The following MMD2 variants were observed in gnomAD, a reference collection of about 807,000 sequenced individuals.
MMD2 encodes the protein monocyte to macrophage differentiation factor 2.
In MMD2, 30 loss-of-function variants were observed where a neutral mutation model predicts 33.5. The observed-to-expected ratio is 0.90, with a 90% CI of 0.67 to 1.22. The LOEUF is 1.22. MMD2 is among the 50% of genes most tolerant of loss of function. The pLI is 0.00. For synonymous variants in MMD2, 129 were observed against 123.0 expected (o/e 1.05, Z -0.32); for missense variants, 364 against 325.4 (o/e 1.12, Z -0.91).
chr7:4,893,302 T>C, the MMD2 span, among the ~76,000 whole-genome samples: 1 of 152,080 alleles, frequency 6.6e-6, no homozygotes, highest in Non-Finnish European at 1.5e-5. Flanking sequence ...AATAAAAGAA[T>C]GACTACTCCA....
chr7:4,897,227 T>TAAAAAAAA, the MMD2 span, among the ~76,000 whole-genome samples: 1 of 117,154 alleles, frequency 8.5e-6, no homozygotes. Context: ...GTGTTATATT[T>TAAAAAAAA]AAAAAAAAAA....
chr7:4,933,692 GTGTCA>G (rs2115126970), intron 1 of MMD2, among the ~76,000 whole-genome samples: 1 of 151,992 alleles, frequency 6.6e-6, no homozygotes, highest in East Asian at 1.9e-4. Flanking sequence ...GAGTGCAGTG[GTGTCA>G]TCATAGCTCA....
chr7:4,895,440 G>A, the MMD2 span, among the ~76,000 whole-genome samples: 207 of 152,334 alleles, frequency 1.4e-3, no homozygotes, highest in African/African-American at 4.8e-3. Context: ...TTATTTGGCG[G>A]GGTTGCGGTG....
intron 1 of MMD2, among the ~76,000 whole-genome samples, chr7:4,956,234 G>A (rs2115168220): frequency 6.6e-6 from 1 of 152,014 alleles, no homozygotes. Context: ...ACCAGCCTGG[G>A]CAACATAGTG....
intron 4 of MMD2, among the ~76,000 whole-genome samples, chr7:4,914,014 G>A (rs1046809648): frequency 1.3e-5 from 2 of 151,978 alleles, no homozygotes; most frequent in Admixed American, 1.3e-4. Flanking sequence ...TTTAGAGACC[G>A]GGTGTCACTC....
chr7:4,909,792 G>T (rs946817000), intron 6 of MMD2, 89 bp downstream of exon 6: 1 of 1,524,656 alleles, frequency 6.6e-7, no homozygotes, highest in African/African-American at 1.4e-5. Flanking sequence ...CCAAAGGAGA[G>T]GGTTTGTGAC....
the MMD2 span, among the ~76,000 whole-genome samples, chr7:4,898,603 A>G: frequency 1.3e-5 from 2 of 152,070 alleles, no homozygotes; most frequent in East Asian, 1.9e-4. Flanking sequence ...GTATTAAGAA[A>G]TGAGGCGTTT....
the MMD2 span, among the ~76,000 whole-genome samples, chr7:4,897,227 T>TAAAAAAAAAA: frequency 8.5e-6 from 1 of 117,176 alleles, no homozygotes; most frequent in Non-Finnish European, 1.8e-5. Context: ...GTGTTATATT[T>TAAAAAAAAAA]AAAAAAAAAA....
At chr7:4,926,746 C>G (rs1358528873) in intron 1 of MMD2, among the ~76,000 whole-genome samples, 1 of 151,620 alleles carries the variant, frequency 6.6e-6, no homozygotes, top group Non-Finnish European at 1.5e-5. Flanking sequence ...TTCTTTTTTT[C>G]TTTTTTCTTT....
intron 1 of MMD2, among the ~76,000 whole-genome samples, chr7:4,945,185 T>TTTCTCCTTCTTCTTCTTC (rs1554273339): frequency 1.1e-5 from 1 of 93,480 alleles, no homozygotes; most frequent in Non-Finnish European, 2.1e-5. Flanking sequence ...CCTCTTCCTC[T>TTTCTCCTTCTTCTTCTTC]TTCTTCTTCT....
chr7:4,945,571 C>T (rs540492707), intron 1 of MMD2, among the ~76,000 whole-genome samples: 2 of 151,378 alleles, frequency 1.3e-5, no homozygotes, highest in South Asian at 4.2e-4. Flanking sequence ...CAGCCCTTCC[C>T]TCCCCTTTCT....
chr7:4,954,752 A>G (rs997041509), intron 1 of MMD2, among the ~76,000 whole-genome samples: 1 of 152,102 alleles, frequency 6.6e-6, no homozygotes, highest in East Asian at 1.9e-4. Flanking sequence ...AAGTTCATCA[A>G]TCTTTTTTTT....
Position 4,911,159 on chromosome 7 carries a change from G to T in MMD2, c.453C>A (p.Phe151Leu). The T allele has an allele frequency of 6.3e-7, 1 of 1,587,768 alleles. No individual in the cohort carries two copies. The highest frequency in any genetic ancestry group is 2.3e-5 in the East Asian group (1 of 43,508). The change falls in exon 5 of 7, where the codon TTC becomes TTA. Residue 151 changes from phenylalanine to leucine, a missense_variant. Phe to Leu is a conservative substitution (Grantham distance 22). Coordinates refer to ENST00000401401, the MANE Select transcript of MMD2 (RefSeq NM_198403.4). ...IMASVGTIYVFFFHERYKLVE... is the reference protein window; with the variant it reads ...IMASVGTIYVLFFHERYKLVE... ...GCCTGGCTTACCGCTCATGGAAGAAGAAGACATAGATGGTGCCCACGGAAG... is the reference window on the plus strand; with the variant it reads ...GCCTGGCTTACCGCTCATGGAAGAATAAGACATAGATGGTGCCCACGGAAG...
At chr7:4,955,104 G>C (rs1226928347) in intron 1 of MMD2, among the ~76,000 whole-genome samples, 1 of 152,182 alleles carries the variant, frequency 6.6e-6, no homozygotes, top group Non-Finnish European at 1.5e-5. Flanking sequence ...GATCCTTCCT[G>C]CCTTGGCCTC....
At chr7:4,957,038 C>T (rs936674428) in intron 1 of MMD2, among the ~76,000 whole-genome samples, 2 of 151,826 alleles carry the variant, frequency 1.3e-5, no homozygotes, top group African/African-American at 2.4e-5. Flanking sequence ...TGGTGGCAGG[C>T]GCCTGTAGTC....
At chr7:4,920,084 G>T in intron 3 of MMD2, 87 bp downstream of exon 3, 1 of 1,417,764 alleles carries the variant, frequency 7.1e-7, no homozygotes, top group Non-Finnish European at 9.5e-7. Flanking sequence ...CAGGCAGACC[G>T]GATATCCTGG....
the MMD2 span, among the ~76,000 whole-genome samples, chr7:4,892,585 T>TATAAGTAA: frequency 2.3e-4 from 33 of 143,418 alleles, no homozygotes; most frequent in African/African-American, 8.1e-4. Context: ...AAGACTCTGC[T>TATAAGTAA]ATAAATAAAT....
At chr7:4,924,202 A>G (rs888141737) in intron 2 of MMD2, among the ~76,000 whole-genome samples, 1 of 152,198 alleles carries the variant, frequency 6.6e-6, no homozygotes, top group East Asian at 1.9e-4. Context: ...AAAAAAAACA[A>G]AAACAAAACA....
At chr7:4,921,060 A>C (rs1050810194) in intron 2 of MMD2, among the ~76,000 whole-genome samples, 1 of 152,116 alleles carries the variant, frequency 6.6e-6, no homozygotes, top group Non-Finnish European at 1.5e-5. Flanking sequence ...GTGGCTGCCA[A>C]CCTGGACAGT....
Sources: gnomAD v4.1 joint callset for allele counts (sites outside exome capture counted in the v4.1 genomes callset) on GRCh38, gnomAD v4.1.1 for gene constraint, MANE v1.5 for transcripts, NCBI Gene and HGNC (gene_info 2026-07-23, HGNC 2026-07-21) for gene names.